ASPG: variants seen among roughly 807,000 people sequenced by gnomAD.
ASPG encodes the protein 60 kDa lysophospholipase.
ASPG carries 53 observed loss-of-function variants against 63.2 expected under a neutral mutation model. The ratio of observed to expected loss-of-function variants is 0.84; its 90% confidence interval spans 0.67 to 1.05. ASPG has a LOEUF of 1.05. Among genes scored for constraint, ASPG ranks in the 50% least tolerant of loss-of-function variants. The probability of loss-of-function intolerance (pLI) is 0.00; values close to 1 mark genes in which losing one functional copy is unlikely to be tolerated. For missense variants in ASPG, 741 were observed against 794.4 expected (o/e 0.93, Z 0.81); for synonymous variants, 370 against 355.0 (o/e 1.04, Z -0.48).
intron 1 of ASPG, among the ~76,000 whole-genome samples, chr14:104,088,093 C>T (rs1322468120): frequency 6.6e-6 from 1 of 152,238 alleles, no homozygotes; most frequent in Non-Finnish European, 1.5e-5. Context: ...AATGGGCTCC[C>T]CCAACCCCTC....
intron 11 of ASPG, 88 bp downstream of exon 11, chr14:104,106,982 C>T: frequency 1.0e-5 from 14 of 1,387,088 alleles, no homozygotes; most frequent in Non-Finnish European, 1.4e-5. Context: ...CTTTCATCCA[C>T]CCACTGACCA....
intron 1 of ASPG, among the ~76,000 whole-genome samples, chr14:104,092,288 G>A (rs1343725067): frequency 6.6e-6 from 1 of 152,176 alleles, no homozygotes; most frequent in Non-Finnish European, 1.5e-5. Context: ...TGAGCCCCGT[G>A]GGCCTTGGTG....
In ASPG at chr14:104,110,939, G is replaced by A. The variant is rs1377362908; in HGVS notation, c.1521-563G>A. Reference sequence around the variant, plus strand: ...GGGCCCAGACCCCTGTCCCAGCCAGGACCCCCCCATGCAGTCTGCCGGGGT... The same window carrying A: ...GGGCCCAGACCCCTGTCCCAGCCAGAACCCCCCCATGCAGTCTGCCGGGGT... On this transcript the variant is annotated intron_variant, in intron 13 of 15. Coordinates refer to ENST00000551177, the MANE Select transcript of ASPG (RefSeq NM_001080464.3). The surrounding 1 kb of genome is among the most constrained non-coding windows in gnomAD (Gnocchi z 4.7). 6 of 985,238 alleles carry A rather than the reference G, an allele frequency of 6.1e-6. No individual in the cohort carries two copies. The highest frequency in any genetic ancestry group is 7.2e-6 in the Non-Finnish European group (6 of 829,904). 61.0% of individuals were successfully genotyped at this position (985,238 alleles called of 1,614,324 possible). A position where few individuals can be genotyped will look rare whatever the true frequency, so the allele number is the denominator to read the frequency against.
chr14:104,106,814 C>A lies in ASPG; in HGVS notation c.1189C>A (p.Arg397=). 1 of 1,598,944 alleles carries A rather than the reference C, an allele frequency of 6.3e-7. No individual in the cohort carries two copies. The highest frequency in any genetic ancestry group is 1.1e-5 in the South Asian group (1 of 88,084). Residue 397 remains arginine, a synonymous_variant, in exon 11 of 16, where the codon CGG becomes AGG. Coordinates refer to ENST00000551177, the MANE Select transcript of ASPG (RefSeq NM_001080464.3). ...CCCCACCTAGGAGGCAGATGCCCTG[C>A]GGAATGCCCTGGTGCCCAGCCTGGC... ...LSGSQEADAL[R]NALVPSLACA... is the part of the protein sequence containing the mutation.
At position 104,112,729 on chromosome 14, in the gene ASPG, C is replaced by A; in HGVS notation, c.*185C>A. On this transcript the variant is annotated 3_prime_UTR_variant, in exon 16 of 16. Transcript: ENST00000551177. ...CCCTCACCAGGTCTGTACAGCCTGG[C>A]TCTGAGAGGCTCTGTCTGGGTCCGG... is the stretch of plus-strand genomic sequence containing the variant. 1 of 1,329,042 alleles carries A rather than the reference C, an allele frequency of 7.5e-7. No individual in the cohort carries two copies. The highest frequency in any genetic ancestry group is 1.0e-6 in the Non-Finnish European group (1 of 977,540). 82.3% of individuals were successfully genotyped at this position (1,329,042 alleles called of 1,614,324 possible).
At chr14:104,094,326 C>G (rs2036500445) in intron 3 of ASPG, among the ~76,000 whole-genome samples, 1 of 152,076 alleles carries the variant, frequency 6.6e-6, no homozygotes, top group African/African-American at 2.4e-5. Context: ...CTCTGTCCGT[C>G]CCCGCCCAGT....
exon 16 of ASPG, chr14:104,115,580 A>AGGTGT (rs1254226581): frequency 6.6e-6 from 1 of 152,012 alleles, no homozygotes; most frequent in Non-Finnish European, 1.5e-5. Context: ...AACATTAGCC[A>AGGTGT]GGTGTGGTGG....
chr14:104,092,133 G>C (rs2036387103), intron 1 of ASPG, among the ~76,000 whole-genome samples: 1 of 152,104 alleles, frequency 6.6e-6, no homozygotes, highest in Non-Finnish European at 1.5e-5. Flanking sequence ...GAGAATGTGG[G>C]AATAGCACTA....
intron 12 of ASPG, chr14:104,108,319 TG>T: frequency 1.3e-6 from 1 of 795,886 alleles, no homozygotes; most frequent in Non-Finnish European, 1.5e-6. Flanking sequence ...GCTTCTAGAC[TG>T]GGCGTCCTTG....
chr14:104,104,417 C>T lies in ASPG; in HGVS notation c.867C>T (p.Arg289=), dbSNP rs200130958. ...LLQELRVATE[R]GLVIVNCTHC... is the part of the protein sequence containing the mutation. ...AGGAGCTGCGGGTGGCCACCGAGCG[C>T]GGCCTGGTCATCGTCAACTGTACCC... is the stretch of plus-strand genomic sequence containing the variant. The change falls in exon 8 of 16, where the codon CGC becomes CGT. Residue 289 remains arginine, a synonymous_variant. Transcript: ENST00000551177. 7.8e-5 allele frequency: 126 copies of T among 1,612,486 alleles called. 1 individual carries two copies. The Admixed American group carries it at 1.0e-3, about 13-fold the overall frequency.
In ASPG at chr14:104,087,220, G is replaced by T. The variant is rs1186434311; in HGVS notation, c.82+1368G>T. Among the ~76,000 whole-genome samples, 4 of 152,262 alleles carry T rather than the reference G, an allele frequency of 2.6e-5. No individual in the cohort carries two copies. The East Asian group carries it at 7.7e-4, about 29-fold the overall frequency. On this transcript the variant is annotated intron_variant, in intron 1 of 15. Coordinates refer to ENST00000551177, the MANE Select transcript of ASPG (RefSeq NM_001080464.3). Reference sequence around the variant, plus strand: ...GTCCAGGCTGCCGGGAGCCTCCTCTGCACTTCTCCTTCTGCCTGTGAATGG... The same window carrying T: ...GTCCAGGCTGCCGGGAGCCTCCTCTTCACTTCTCCTTCTGCCTGTGAATGG...
rs772639463 is a variant in ASPG, at chr14:104,107,187, T to G, written c.1275T>G (p.Ser425Arg). 7.0e-6 allele frequency: 11 copies of G among 1,565,500 alleles called. No individual in the cohort carries two copies. In the South Asian group the frequency reaches 1.3e-4, roughly 19 times the overall value. ...ATGTCCTTGTGTTACTCCAGGGCAG[T>G]GACCTGGGCCTGGTGGACTTTAACG... ...EALQALVELG[S>R]DLGLVDFNGQ... The change falls in exon 12 of 16, where the codon AGT (serine) becomes AGG (arginine). Residue 425 changes from serine to arginine, a missense_variant. Transcript: ENST00000551177.
In ASPG at chr14:104,109,620, T is replaced by G; in HGVS notation, c.1520+305T>G. Among the ~76,000 whole-genome samples, 1 of 113,546 alleles carries G rather than the reference T, an allele frequency of 8.8e-6. No homozygotes were observed. Among genetic ancestry groups the G allele is most frequent in the Middle Eastern group, 4.8e-3 (1 of 210 alleles). The allele number at this position is 113,546 out of a possible 152,430, so 74.5% of individuals were successfully genotyped here. ...TGCATGTGTGTGTGTGTGGTGGGCT[T>G]GAGGAGGGGTATGGGAATTGGTTGT... is the stretch of plus-strand genomic sequence containing the variant. On this transcript the variant is annotated intron_variant, in intron 13 of 15. Transcript: ENST00000551177. This position sits in a 1 kb window ranked among gnomAD's most constrained non-coding sequence, Gnocchi z 4.8.
chr14:104,104,295 G>A lies in ASPG; in HGVS notation c.754-9G>A, dbSNP rs563865657. ...CTCACCATCCAGCCCCCACCCCACC[G>A]CCCCACAGGTTCGGGCCTTCTTGCA... On this transcript the variant is annotated splice_polypyrimidine_tract_variant and intron_variant, in intron 7 of 15. Coordinates refer to ENST00000551177, the MANE Select transcript of ASPG (RefSeq NM_001080464.3). 19 of 1,604,238 alleles carry A rather than the reference G, an allele frequency of 1.2e-5. No homozygotes were observed. The highest frequency in any genetic ancestry group is 9.0e-5 in the East Asian group (4 of 44,616).
chr14:104,105,003 G>A (rs1596100189), intron 9 of ASPG: 3 of 574,762 alleles, frequency 5.2e-6, no homozygotes, highest in East Asian at 5.9e-5. Context: ...TCCCCTAACT[G>A]TCGCCAGGAA....
rs749685984 is a variant in ASPG, at chr14:104,106,896, T to C, written c.1269+2T>C. ...GCGCTGCAGGCGCTTGTGGAGCTGG[T>C]GAGCCTCCCCCACCCTGGGGGCCCA... is the stretch of plus-strand genomic sequence containing the variant. On this transcript the variant is annotated splice_donor_variant, in intron 11 of 15. Transcript: ENST00000551177. LOFTEE classifies it high-confidence loss of function. The C allele has an allele frequency of 7.9e-5, 124 of 1,570,462 alleles. 1 individual carries two copies. In the African/African-American group the frequency reaches 1.5e-3, roughly 19 times the overall value.
Position 104,110,348 on chromosome 14 carries a change from C to G in ASPG, c.1520+1033C>G. On this transcript the variant is annotated intron_variant, in intron 13 of 15. Coordinates refer to ENST00000551177, the MANE Select transcript of ASPG (RefSeq NM_001080464.3). The surrounding 1 kb of genome is among the most constrained non-coding windows in gnomAD (Gnocchi z 4.7). Reference sequence around the variant, plus strand: ...TCTCCTCTGGGACCGGCCCACAACCCCTGGTCTTGCTTTTGAAGGGACTTC... The same window carrying G: ...TCTCCTCTGGGACCGGCCCACAACCGCTGGTCTTGCTTTTGAAGGGACTTC... The G allele has an allele frequency of 1.0e-6, 1 of 985,348 alleles. No homozygotes were observed. Among genetic ancestry groups the G allele is most frequent in the Non-Finnish European group, 1.2e-6 (1 of 829,902 alleles). 61.0% of individuals were successfully genotyped at this position (985,348 alleles called of 1,614,324 possible).
At position 104,103,684 on chromosome 14, in the gene ASPG, C is replaced by T. The variant is rs745581943; in HGVS notation, c.753+9C>T. On this transcript the variant is annotated intron_variant, in intron 7 of 15. Transcript: ENST00000551177. ...GGATCCCTGCCGCCCTGGTAGGGACCGCCCCGGCCATCCTGCCCCTGCAGC... is the reference window on the plus strand; with the variant it reads ...GGATCCCTGCCGCCCTGGTAGGGACTGCCCCGGCCATCCTGCCCCTGCAGC... The T allele has an allele frequency of 1.0e-4, 158 of 1,545,404 alleles. No individual in the cohort carries two copies. The highest frequency in any genetic ancestry group is 4.6e-4 in the Middle Eastern group (2 of 4,372).
rs552040804 is a variant in ASPG, at chr14:104,087,711, A to G, written c.82+1859A>G. 3.9e-5 allele frequency among the ~76,000 whole-genome samples: 6 copies of G among 152,248 alleles called. No homozygotes were observed. In the South Asian group the frequency reaches 1.0e-3, roughly 26 times the overall value. On this transcript the variant is annotated intron_variant, in intron 1 of 15. Transcript: ENST00000551177. ...AGTGTGGCCAACTGCAGTTTCGTTG[A>G]GCTCAACATGTAGTTCTTGAGTGGT...
Sources: allele counts gnomAD v4.1 joint callset (sites outside exome capture counted in the v4.1 genomes callset), GRCh38; gene constraint gnomAD v4.1.1; non-coding constraint Gnocchi (gnomAD v3.1); transcripts MANE v1.5; gene names NCBI Gene and HGNC (gene_info 2026-07-23, HGNC 2026-07-21).